The following CNTNAP5 variants were observed in gnomAD, a reference collection of about 807,000 sequenced individuals.
CNTNAP5 encodes the protein contactin associated protein family member 5.
A neutral mutation model predicts 150.2 loss-of-function variants in CNTNAP5; 72 were observed. The observed-to-expected ratio is 0.48, with a 90% CI of 0.40 to 0.58. The LOEUF (loss-of-function observed/expected upper bound fraction) is 0.58, where lower values mean the gene tolerates loss of function less well. Among genes scored for constraint, CNTNAP5 ranks in the 20% least tolerant of loss-of-function variants. The pLI, the probability that CNTNAP5 is intolerant of heterozygous loss-of-function variation, is 0.00. For synonymous variants in CNTNAP5, 672 were observed against 619.8 expected, an observed-to-expected ratio of 1.08 and a Z score of -1.25; for missense variants, 1,636 against 1,626.2, an observed-to-expected ratio of 1.01 and a Z score of -0.10.
At position 124,833,234 on chromosome 2, in the gene CNTNAP5, A is replaced by G. The variant is rs981136115; in HGVS notation, c.3218-32072A>G. Reference sequence around the variant, plus strand: ...CAAAAATTTCCCTTCCTAAGAAACAAAAGATCTCATGGAAGAACTTACCCT... The same window carrying G: ...CAAAAATTTCCCTTCCTAAGAAACAGAAGATCTCATGGAAGAACTTACCCT... On this transcript the variant is annotated intron_variant, in intron 19 of 23. Coordinates refer to ENST00000682447, the MANE Select transcript of CNTNAP5 (RefSeq NM_001367498.1). 4.6e-5 allele frequency among the ~76,000 whole-genome samples: 7 copies of G among 152,244 alleles called. 1 individual carries two copies. In the East Asian group the frequency reaches 1.4e-3, roughly 29 times the overall value.
At chr2:124,068,238 C>G (rs1047504255) in intron 1 of CNTNAP5, among the ~76,000 whole-genome samples, 1 of 152,136 alleles carries the variant, frequency 6.6e-6, no homozygotes. Context: ...CTTTCTACCC[C>G]CTGGCAGTGG....
At chr2:124,576,665 G>A (rs1696288587) in intron 11 of CNTNAP5, among the ~76,000 whole-genome samples, 1 of 152,152 alleles carries the variant, frequency 6.6e-6, no homozygotes, top group South Asian at 2.1e-4. Context: ...TGTTTTTGAA[G>A]ATTAGGCTGC....
intron 17 of CNTNAP5, among the ~76,000 whole-genome samples, chr2:124,776,301 C>A (rs1467872092): frequency 6.6e-6 from 1 of 151,574 alleles, no homozygotes; most frequent in Non-Finnish European, 1.5e-5. Context: ...TTTTCTTGGC[C>A]CAACTGCTCT....
rs1682063258 is a variant in CNTNAP5, at chr2:124,805,488, A to T, written c.3217+7168A>T. 2.6e-5 allele frequency among the ~76,000 whole-genome samples: 4 copies of T among 152,304 alleles called. No individual in the cohort carries two copies. The South Asian group carries it at 8.3e-4, about 32-fold the overall frequency. On this transcript the variant is annotated intron_variant, in intron 19 of 23. Coordinates refer to ENST00000682447, the MANE Select transcript of CNTNAP5 (RefSeq NM_001367498.1). ...TCAACCCCAACAACTTTGGCTGTGGAGCTAGCTGGGCAGCATGTGCCAGCA... is the reference window on the plus strand; with the variant it reads ...TCAACCCCAACAACTTTGGCTGTGGTGCTAGCTGGGCAGCATGTGCCAGCA...
chr2:124,822,079 A>T (rs1024818507), intron 19 of CNTNAP5, among the ~76,000 whole-genome samples: 1 of 151,354 alleles, frequency 6.6e-6, no homozygotes, highest in African/African-American at 2.5e-5. Context: ...CCAGCCATTT[A>T]GTCCATTTAT....
chr2:124,774,092 C>G (rs1681269163), intron 17 of CNTNAP5, among the ~76,000 whole-genome samples: 1 of 151,878 alleles, frequency 6.6e-6, no homozygotes, highest in Admixed American at 6.6e-5. Context: ...TCAATACTAC[C>G]AAAACAAAGA....
At chr2:124,226,383 T>C (rs893110184) in intron 2 of CNTNAP5, among the ~76,000 whole-genome samples, 4 of 152,178 alleles carry the variant, frequency 2.6e-5, no homozygotes, top group Non-Finnish European at 4.4e-5. Flanking sequence ...TGTGTGCCTG[T>C]TGGCCATTTG....
At chr2:124,506,937 G>A (rs1694419373) in intron 8 of CNTNAP5, among the ~76,000 whole-genome samples, 1 of 152,108 alleles carries the variant, frequency 6.6e-6, no homozygotes, top group Non-Finnish European at 1.5e-5. Flanking sequence ...ACTTCCACAT[G>A]TAGGGAAGTT....
intron 19 of CNTNAP5, among the ~76,000 whole-genome samples, chr2:124,810,827 C>A (rs1682199726): frequency 6.6e-6 from 1 of 152,064 alleles, no homozygotes. Flanking sequence ...TACACAGAGA[C>A]ATTTTTCATT....
intron 19 of CNTNAP5, among the ~76,000 whole-genome samples, chr2:124,843,003 C>T (rs1682975037): frequency 6.6e-6 from 1 of 151,974 alleles, no homozygotes; most frequent in Non-Finnish European, 1.5e-5. Flanking sequence ...GTGCACACAT[C>T]ACACAAGCAT....
intron 10 of CNTNAP5, among the ~76,000 whole-genome samples, chr2:124,549,832 T>G (rs1202278449): frequency 6.6e-6 from 1 of 152,272 alleles, no homozygotes; most frequent in Non-Finnish European, 1.5e-5. Context: ...TTTAATGTCA[T>G]GTTCATCCAT....
rs890843328 is a variant in CNTNAP5, at chr2:124,763,537, G to A, written c.2235-135G>A. On this transcript the variant is annotated intron_variant, in intron 14 of 23. Coordinates refer to ENST00000682447, the MANE Select transcript of CNTNAP5 (RefSeq NM_001367498.1). ...TTCACATACACTTAGGCGATGAAAG[G>A]CCTTCTGTTTTCCCCCTCTCTGCCC... 8.6e-6 allele frequency: 6 copies of A among 701,428 alleles called. No individual in the cohort carries two copies. The Admixed American group carries it at 1.4e-4, about 16-fold the overall frequency. 43.5% of individuals were successfully genotyped at this position (701,428 alleles called of 1,614,324 possible).
chr2:124,887,029 G>T (rs1358246487), intron 21 of CNTNAP5, among the ~76,000 whole-genome samples: 1 of 151,998 alleles, frequency 6.6e-6, no homozygotes, highest in African/African-American at 2.4e-5. Flanking sequence ...AAAAAATATG[G>T]AATTTGGAGT....
At chr2:124,694,251 T>G (rs765138522) in intron 13 of CNTNAP5, among the ~76,000 whole-genome samples, 1 of 152,186 alleles carries the variant, frequency 6.6e-6, no homozygotes. Context: ...ATTTTTAAAC[T>G]CTAGTCATTT....
At chr2:124,588,161 C>CTTCCTTCCTT (rs1696589681) in intron 11 of CNTNAP5, among the ~76,000 whole-genome samples, 1 of 58,280 alleles carries the variant, frequency 1.7e-5, no homozygotes, top group African/African-American at 6.1e-5. Context: ...CTTCCTTTTC[C>CTTCCTTCCTT]TTCCTTCCTT....
chr2:124,823,502 G>A (rs527536406), intron 19 of CNTNAP5, among the ~76,000 whole-genome samples: 1 of 152,152 alleles, frequency 6.6e-6, no homozygotes, highest in African/African-American at 2.4e-5. Flanking sequence ...ACAAGCATCT[G>A]TTTAACCTTG....
intron 3 of CNTNAP5, among the ~76,000 whole-genome samples, chr2:124,374,376 A>G (rs1044780279): frequency 3.3e-5 from 5 of 152,076 alleles, no homozygotes; most frequent in African/African-American, 1.2e-4. Flanking sequence ...TGAACTCCCA[A>G]TAGTAGGGAG....
chr2:124,646,187 A>G (rs894208372), intron 12 of CNTNAP5, among the ~76,000 whole-genome samples: 1 of 152,220 alleles, frequency 6.6e-6, no homozygotes, highest in African/African-American at 2.4e-5. Flanking sequence ...AATATGTTGA[A>G]ACTAAGGTTT....
At position 124,915,460 on chromosome 2, in the gene CNTNAP5, C is replaced by T. The variant is rs778302011; in HGVS notation, c.*1172C>T. Among the ~76,000 whole-genome samples, 4 of 151,944 alleles carry T rather than the reference C, an allele frequency of 2.6e-5. No individual in the cohort carries two copies. Among genetic ancestry groups the T allele is most frequent in the Non-Finnish European group, 5.9e-5 (4 of 67,954 alleles). ...GGTGAAGATAGTTAATTCAAATTTG[C>T]AAGTTTCACATTTTTTAACATCAAG... On this transcript the variant is annotated 3_prime_UTR_variant, in exon 24 of 24. Coordinates refer to ENST00000682447, the MANE Select transcript of CNTNAP5 (RefSeq NM_001367498.1).
Sources: gnomAD v4.1 joint callset for allele counts (sites outside exome capture counted in the v4.1 genomes callset) on GRCh38, gnomAD v4.1.1 for gene constraint, MANE v1.5 for transcripts, NCBI Gene and HGNC (gene_info 2026-07-23, HGNC 2026-07-21) for gene names.